The following SYN2 variants were observed in gnomAD, a reference collection of about 807,000 sequenced individuals.
The protein encoded by SYN2 is synapsin-2.
Under a neutral mutation model 50.9 loss-of-function variants are expected in SYN2, and 19 were observed. The observed-to-expected ratio is 0.37, with a 90% CI of 0.26 to 0.55. The LOEUF is 0.55. Among genes scored for constraint, SYN2 ranks in the 20% least tolerant of loss-of-function variants. SYN2 has a pLI of 0.81. For missense variants in SYN2, 587 were observed against 576.4 expected, an observed-to-expected ratio of 1.02 and a Z score of -0.19; for synonymous variants, 255 against 224.9, an observed-to-expected ratio of 1.13 and a Z score of -1.20.
chr3:12,052,163 G>T (rs1196164286), intron 1 of SYN2, among the ~76,000 whole-genome samples: 8 of 152,122 alleles, frequency 5.3e-5, no homozygotes, highest in African/African-American at 1.9e-4. Context: ...TACATGCTAG[G>T]CGTTGTGCTA....
intron 12 of SYN2, among the ~76,000 whole-genome samples, chr3:12,188,608 GA>G (rs1353542280): frequency 1.6e-4 from 4 of 24,326 alleles, no homozygotes; most frequent in East Asian, 3.9e-3. Context: ...TTTGCTCAAA[GA>G]AAAATTTTTT....
chr3:12,046,329 T>C lies in SYN2; in HGVS notation c.377+41401T>C, dbSNP rs544935517. On this transcript the variant is annotated intron_variant, in intron 1 of 12. Coordinates refer to ENST00000621198, the MANE Select transcript of SYN2 (RefSeq NM_133625.6). ...TAGGTAAATAAGGAGAGCAACATCC[T>C]GGGAGAAAGAACATGAAGCTTGTGA... Among the ~76,000 whole-genome samples, 52 of 152,270 alleles carry C rather than the reference T, an allele frequency of 3.4e-4. 1 individual carries two copies. The highest frequency in any genetic ancestry group is 1.2e-3 in the Admixed American group (18 of 15,290).
At chr3:12,171,731 G>A (rs1697941435) in intron 10 of SYN2, among the ~76,000 whole-genome samples, 2 of 152,134 alleles carry the variant, frequency 1.3e-5, no homozygotes, top group African/African-American at 4.8e-5. Context: ...CTGTGCCTCA[G>A]CATCTTTGTG....
chr3:12,060,288 G>C (rs929800165), intron 1 of SYN2, among the ~76,000 whole-genome samples: 5 of 151,682 alleles, frequency 3.3e-5, no homozygotes, highest in African/African-American at 1.2e-4. Context: ...ATCTCATATT[G>C]GTTCTGGCAG....
intron 1 of SYN2, among the ~76,000 whole-genome samples, chr3:12,046,194 A>C (rs1289458662): frequency 2.6e-5 from 4 of 152,100 alleles, no homozygotes; most frequent in African/African-American, 9.7e-5. Flanking sequence ...AAAATGAATG[A>C]ATGTCTGGTA....
At chr3:12,070,557 G>C in intron 1 of SYN2, 1 of 1,143,296 alleles carries the variant, frequency 8.7e-7, no homozygotes, top group South Asian at 1.2e-5. Flanking sequence ...GCTGACGGAG[G>C]CCCTTGTGAA....
At position 12,191,867 on chromosome 3, in the gene SYN2, G is replaced by A. The variant is rs530594826; in HGVS notation, c.*1242G>A. Among the ~76,000 whole-genome samples, 2 of 152,214 alleles carry A rather than the reference G, an allele frequency of 1.3e-5. No individual in the cohort carries two copies. The highest frequency in any genetic ancestry group is 2.1e-4 in the South Asian group (1 of 4,824). ...CAACCAGGCTCCCACAGATCTCAACGAAGGCATCCTAAAGAGGCCTGCAAT... is the reference window on the plus strand; with the variant it reads ...CAACCAGGCTCCCACAGATCTCAACAAAGGCATCCTAAAGAGGCCTGCAAT... On this transcript the variant is annotated 3_prime_UTR_variant, in exon 13 of 13. Coordinates refer to ENST00000621198, the MANE Select transcript of SYN2 (RefSeq NM_133625.6).
intron 1 of SYN2, among the ~76,000 whole-genome samples, chr3:12,081,554 G>A (rs981825242): frequency 3.3e-5 from 5 of 152,242 alleles, no homozygotes; most frequent in South Asian, 2.1e-4. Flanking sequence ...ACAGTGATCA[G>A]TCCTTTGTAA....
intron 1 of SYN2, among the ~76,000 whole-genome samples, chr3:12,059,562 G>A (rs900527806): frequency 6.6e-5 from 10 of 151,986 alleles, no homozygotes; most frequent in African/African-American, 2.2e-4. Context: ...TGTGCCAGTG[G>A]ATCTGCTTGG....
At chr3:12,173,766 T>C (rs1174750735) in intron 10 of SYN2, among the ~76,000 whole-genome samples, 1 of 151,836 alleles carries the variant, frequency 6.6e-6, no homozygotes, top group African/African-American at 2.4e-5. Flanking sequence ...ATACAAAAAT[T>C]AGCTGGGCAT....
At chr3:12,035,903 G>GT (rs1314839731) in intron 1 of SYN2, among the ~76,000 whole-genome samples, 3 of 152,224 alleles carry the variant, frequency 2.0e-5, no homozygotes, top group East Asian at 1.9e-4. Flanking sequence ...GAGGGTCCAG[G>GT]TTTTTTTGAA....
intron 5 of SYN2, chr3:12,157,005 C>T (rs1697478163): frequency 8.2e-6 from 9 of 1,093,296 alleles, no homozygotes; most frequent in Non-Finnish European, 1.2e-5. Context: ...AGACAAAAAC[C>T]TCTCACTTCT....
chr3:12,096,751 G>A (rs2125185979), intron 1 of SYN2, among the ~76,000 whole-genome samples: 1 of 152,030 alleles, frequency 6.6e-6, no homozygotes, highest in South Asian at 2.1e-4. Flanking sequence ...AAGTTTTGCA[G>A]TTTAAAAGTT....
At chr3:12,153,356 TG>T in intron 5 of SYN2, 2 of 821,254 alleles carry the variant, frequency 2.4e-6, no homozygotes, top group Non-Finnish European at 4.0e-6. Flanking sequence ...AGAAAAGTCA[TG>T]GCCCCTTCCC....
rs1696799329 is a variant in SYN2, at chr3:12,131,675, A to C, written c.378-8976A>C. Among the ~76,000 whole-genome samples the C allele has an allele frequency of 4.0e-5, 6 of 151,442 alleles. No individual in the cohort carries two copies. The South Asian group carries it at 1.3e-3, about 32-fold the overall frequency. ...TCTTTTTTTTTTTCCTGTATTTGAT[A>C]ATCTTGTTATCTTGTGATACTGCAT... is the stretch of plus-strand genomic sequence containing the variant. On this transcript the variant is annotated intron_variant, in intron 1 of 12. Transcript: ENST00000621198.
intron 5 of SYN2, among the ~76,000 whole-genome samples, chr3:12,154,828 G>C (rs917981795): frequency 2.6e-5 from 4 of 151,834 alleles, no homozygotes; most frequent in Non-Finnish European, 5.9e-5. Context: ...TTATAAAGTT[G>C]TCAGATTAAA....
chr3:12,070,538 C>A, intron 1 of SYN2: 1 of 969,920 alleles, frequency 1.0e-6, no homozygotes, highest in Non-Finnish European at 1.6e-6. Context: ...CGGAGGAGCA[C>A]CTGGTGCTGC....
At chr3:12,065,025 G>A (rs1202817745) in intron 1 of SYN2, among the ~76,000 whole-genome samples, 1 of 152,146 alleles carries the variant, frequency 6.6e-6, no homozygotes, top group Admixed American at 6.5e-5. Flanking sequence ...ATGGAATGTC[G>A]TTCAGCAGTA....
At chr3:12,016,761 C>A (rs1162343762) in intron 1 of SYN2, among the ~76,000 whole-genome samples, 3 of 152,084 alleles carry the variant, frequency 2.0e-5, no homozygotes, top group Non-Finnish European at 4.4e-5. Flanking sequence ...GAGGCTGAGG[C>A]AGGAGAATTG....
Sources: allele counts gnomAD v4.1 joint callset (sites outside exome capture counted in the v4.1 genomes callset), GRCh38; gene constraint gnomAD v4.1.1; transcripts MANE v1.5; gene names NCBI Gene and HGNC (gene_info 2026-07-23, HGNC 2026-07-21).